Variants in SNTB1 observed in about 807,000 individuals in gnomAD.
SNTB1 encodes the protein beta-1-syntrophin.
In SNTB1, 36 loss-of-function variants were observed where a neutral mutation model predicts 48.9. That is an observed-to-expected ratio of 0.74 (90% CI 0.56 to 0.97). The LOEUF is 0.97. Among genes scored for constraint, SNTB1 ranks in the 50% least tolerant of loss-of-function variants. The pLI, the probability that SNTB1 is intolerant of heterozygous loss-of-function variation, is 0.00. For missense variants in SNTB1, 786 were observed against 703.4 expected, an observed-to-expected ratio of 1.12 and a Z score of -1.33; for synonymous variants, 299 against 294.6, an observed-to-expected ratio of 1.01 and a Z score of -0.15.
intron 2 of SNTB1, among the ~76,000 whole-genome samples, chr8:120,684,678 T>C (rs1418267886): frequency 6.6e-6 from 1 of 150,552 alleles, no homozygotes; most frequent in African/African-American, 2.5e-5. Context: ...TTTTTGAGAC[T>C]GAGTCTCATT....
chr8:120,777,139 A>C (rs1819748291), intron 1 of SNTB1, among the ~76,000 whole-genome samples: 1 of 152,214 alleles, frequency 6.6e-6, no homozygotes. Flanking sequence ...CTATGGTTTC[A>C]ACTGCTGTTG....
chr8:120,634,766 G>A (rs979927826), intron 2 of SNTB1, among the ~76,000 whole-genome samples: 41 of 151,994 alleles, frequency 2.7e-4, no homozygotes, highest in Non-Finnish European at 5.0e-4. Context: ...TGACTAAACC[G>A]TCTTACCACA....
chr8:120,632,744 C>T (rs974388847), intron 2 of SNTB1, 93 bp from the exon 3 acceptor site: 1 of 1,040,208 alleles, frequency 9.6e-7, no homozygotes, highest in Non-Finnish European at 1.4e-6. Flanking sequence ...TTCTTTACTC[C>T]TTCTTTTAGA....
chr8:120,806,058 T>C (rs750496908), intron 1 of SNTB1, among the ~76,000 whole-genome samples: 1 of 152,254 alleles, frequency 6.6e-6, no homozygotes, highest in Non-Finnish European at 1.5e-5. Context: ...TTAGCTATTA[T>C]TACATTCGAA....
At chr8:120,553,328 T>C (rs561448690) in intron 4 of SNTB1, among the ~76,000 whole-genome samples, 1 of 152,348 alleles carries the variant, frequency 6.6e-6, no homozygotes, top group Non-Finnish European at 1.5e-5. Flanking sequence ...ACATGTTGAA[T>C]TATGTGTCCT....
intron 4 of SNTB1, among the ~76,000 whole-genome samples, chr8:120,572,632 T>C (rs1270444008): frequency 6.6e-6 from 1 of 152,164 alleles, no homozygotes; most frequent in East Asian, 1.9e-4. Flanking sequence ...AGAACGTCCA[T>C]AATCCCAGCA....
intron 3 of SNTB1, among the ~76,000 whole-genome samples, chr8:120,606,219 AATATAATATAATTAT>A (rs1411129113): frequency 1.4e-5 from 2 of 147,144 alleles, no homozygotes; most frequent in East Asian, 1.9e-4. Flanking sequence ...ATGGAATTAT[AATATAATATAATTAT>A]ATATAATATA....
At chr8:120,739,160 G>T (rs976097298) in intron 1 of SNTB1, among the ~76,000 whole-genome samples, 3 of 152,086 alleles carry the variant, frequency 2.0e-5, no homozygotes, top group Non-Finnish European at 2.9e-5. Flanking sequence ...GAGTTGCTCT[G>T]GAAAAACCCC....
rs1392284755 is a variant in SNTB1, at chr8:120,538,923, T to C, written c.1571A>G (p.His524Arg). Residue 524 changes from histidine to arginine, a missense_variant, in exon 7 of 7, where the codon CAT becomes CGT. Physicochemically the swap from His to Arg is conservative, Grantham distance 29. Coordinates refer to ENST00000517992, the MANE Select transcript of SNTB1 (RefSeq NM_021021.4). ...TGTAATCTTAGCTGACAGGAAGGAA[T>C]GAATGATGAAAACAATTGGCTTGGG... Reference protein sequence around the residue: ...SCPKPIVFIIHSFLSAKITRL... With the variant: ...SCPKPIVFIIRSFLSAKITRL... 8 of 1,613,678 alleles carry C rather than the reference T, an allele frequency of 5.0e-6. No homozygotes were observed. Among genetic ancestry groups the C allele is most frequent in the Non-Finnish European group, 6.8e-6 (8 of 1,179,828 alleles).
intron 1 of SNTB1, among the ~76,000 whole-genome samples, chr8:120,704,417 C>T (rs1404939988): frequency 6.6e-6 from 1 of 151,870 alleles, no homozygotes; most frequent in South Asian, 2.1e-4. Flanking sequence ...GATCATGCCA[C>T]TGCACTCCAG....
At chr8:120,759,546 C>A (rs1219793458) in intron 1 of SNTB1, among the ~76,000 whole-genome samples, 1 of 152,190 alleles carries the variant, frequency 6.6e-6, no homozygotes, top group Admixed American at 6.5e-5. Flanking sequence ...GAAGTGGCCA[C>A]AGCAGCCATA....
chr8:120,611,322 T>C (rs1816618336), intron 3 of SNTB1, among the ~76,000 whole-genome samples: 1 of 149,948 alleles, frequency 6.7e-6, no homozygotes, highest in Non-Finnish European at 1.5e-5. Context: ...AGAAGCAAAA[T>C]CAAAAGTTGG....
chr8:120,732,435 T>C (rs1012019392), intron 1 of SNTB1, among the ~76,000 whole-genome samples: 7 of 152,238 alleles, frequency 4.6e-5, no homozygotes, highest in African/African-American at 1.7e-4. Context: ...TTCTGCCTTC[T>C]TGAGCATGAA....
At chr8:120,564,815 C>T (rs1815724019) in intron 4 of SNTB1, among the ~76,000 whole-genome samples, 2 of 152,038 alleles carry the variant, frequency 1.3e-5, no homozygotes, top group Admixed American at 6.6e-5. Flanking sequence ...AGGTGATCCA[C>T]CCGCCTCGGC....
At chr8:120,634,372 T>C (rs1817038077) in intron 2 of SNTB1, among the ~76,000 whole-genome samples, 1 of 152,188 alleles carries the variant, frequency 6.6e-6, no homozygotes, top group Non-Finnish European at 1.5e-5. Flanking sequence ...ATAATGCTTC[T>C]AATAGCCCTA....
At chr8:120,774,821 T>A (rs1439476155) in intron 1 of SNTB1, among the ~76,000 whole-genome samples, 1 of 151,904 alleles carries the variant, frequency 6.6e-6, no homozygotes, top group East Asian at 1.9e-4. Context: ...GCCCTGCTAA[T>A]TTTTGTATTT....
chr8:120,765,207 A>C (rs2130079237), intron 1 of SNTB1, among the ~76,000 whole-genome samples: 1 of 152,346 alleles, frequency 6.6e-6, no homozygotes, highest in East Asian at 1.9e-4. Flanking sequence ...CCTGGGTGAC[A>C]GATCAAGACT....
intron 2 of SNTB1, among the ~76,000 whole-genome samples, chr8:120,662,726 T>G (rs1486771428): frequency 1.3e-5 from 2 of 152,120 alleles, no homozygotes; most frequent in Non-Finnish European, 1.5e-5. Flanking sequence ...AGTGTACCCT[T>G]GGGCAATTTG....
At chr8:120,778,746 A>G (rs531864413) in intron 1 of SNTB1, among the ~76,000 whole-genome samples, 7 of 152,230 alleles carry the variant, frequency 4.6e-5, no homozygotes, top group Non-Finnish European at 1.0e-4. Context: ...TAACCTTGAC[A>G]TATATTAACT....
Sources: gnomAD v4.1 joint callset for allele counts (sites outside exome capture counted in the v4.1 genomes callset) on GRCh38, gnomAD v4.1.1 for gene constraint, MANE v1.5 for transcripts, NCBI Gene and HGNC (gene_info 2026-07-23, HGNC 2026-07-21) for gene names.